Variants in CDH4 observed in about 807,000 individuals in gnomAD.
CDH4 encodes cadherin 4, also known as cadherin-4.
A neutral mutation model predicts 86.0 loss-of-function variants in CDH4; 33 were observed. That is an observed-to-expected ratio of 0.38 (90% CI 0.29 to 0.51). The LOEUF is 0.51. Among genes scored for constraint, CDH4 ranks in the 20% least tolerant of loss-of-function variants. The probability of loss-of-function intolerance (pLI) is 0.86; values close to 1 mark genes in which losing one functional copy is unlikely to be tolerated. For synonymous variants in CDH4, 555 were observed against 549.4 expected, an observed-to-expected ratio of 1.01 and a Z score of -0.14; for missense variants, 1,114 against 1,307.4, an observed-to-expected ratio of 0.85 and a Z score of 2.28.
intron 2 of CDH4, among the ~76,000 whole-genome samples, chr20:61,650,981 G>A (rs2087114205): frequency 6.6e-6 from 1 of 152,264 alleles, no homozygotes; most frequent in Non-Finnish European, 1.5e-5. Flanking sequence ...TTTAACCCAT[G>A]GCGTGCAGCA....
rs1270020940 is a variant in CDH4 at position 61,544,559 on chromosome 20, A to G, written c.170-199004A>G. Among the ~76,000 whole-genome samples, 1 of 151,720 alleles carries G rather than the reference A, an allele frequency of 6.6e-6. No individual in the cohort carries two copies. Among genetic ancestry groups the G allele is most frequent in the African/African-American group, 2.4e-5 (1 of 41,298 alleles). On this transcript the variant is annotated intron_variant, in intron 2 of 15. Coordinates refer to ENST00000614565, the MANE Select transcript of CDH4 (RefSeq NM_001794.5). This position sits in a 1 kb window ranked among gnomAD's most constrained non-coding sequence, Gnocchi z 6.5. ...TGGCAGCCGCCAAGCAGAGACGGTG[A>G]CGGGATCCCTGCGTTGACGGTGGCA...
chr20:61,478,418 GT>G (rs2085551227), intron 2 of CDH4, among the ~76,000 whole-genome samples: 2 of 151,874 alleles, frequency 1.3e-5, no homozygotes, highest in Non-Finnish European at 2.9e-5. Flanking sequence ...CGTGACGTAA[GT>G]TTGGACATAA....
intron 4 of CDH4, among the ~76,000 whole-genome samples, chr20:61,773,586 G>A (rs6142854): frequency 6.6e-6 from 1 of 152,194 alleles, no homozygotes; most frequent in Non-Finnish European, 1.5e-5. Flanking sequence ...AGCGTGCGCC[G>A]TGCCGCGGTC....
intron 2 of CDH4, among the ~76,000 whole-genome samples, chr20:61,332,132 G>T (rs928333483): frequency 6.6e-6 from 1 of 152,176 alleles, no homozygotes; most frequent in Non-Finnish European, 1.5e-5. Flanking sequence ...GAAGAGGAGG[G>T]TCCTTCTCAG....
intron 2 of CDH4, among the ~76,000 whole-genome samples, chr20:61,700,003 C>A (rs1360794914): frequency 1.3e-5 from 2 of 152,192 alleles, no homozygotes; most frequent in Non-Finnish European, 2.9e-5. Flanking sequence ...ACGAGGCTCA[C>A]AGCGCCGGAG....
intron 15 of CDH4, among the ~76,000 whole-genome samples, chr20:61,935,713 C>T (rs960803520): frequency 1.3e-5 from 2 of 152,194 alleles, no homozygotes; most frequent in East Asian, 3.8e-4. Flanking sequence ...TGGTGAGACC[C>T]CCGTCTCTAC....
chr20:61,520,687 T>G (rs1026108395), intron 2 of CDH4, among the ~76,000 whole-genome samples: 3 of 151,944 alleles, frequency 2.0e-5, no homozygotes, highest in African/African-American at 7.3e-5. Context: ...CTTTTCCTTC[T>G]TCTGAGCATC....
At chr20:61,797,865 G>A (rs1162655418) in intron 4 of CDH4, among the ~76,000 whole-genome samples, 3 of 152,190 alleles carry the variant, frequency 2.0e-5, no homozygotes, top group South Asian at 2.1e-4. Context: ...CGGAGAGATC[G>A]GCATCTTTTC....
intron 2 of CDH4, among the ~76,000 whole-genome samples, chr20:61,272,904 G>A (rs559547305): frequency 5.5e-5 from 8 of 145,182 alleles, no homozygotes; most frequent in Non-Finnish European, 1.0e-4. Flanking sequence ...TGCAGTTTGG[G>A]GGAGTACCGT....
chr20:61,841,754 AGTGT>A (rs778765000), intron 4 of CDH4, among the ~76,000 whole-genome samples: 1 of 151,402 alleles, frequency 6.6e-6, no homozygotes, highest in Non-Finnish European at 1.5e-5. Flanking sequence ...TGTGCACAGG[AGTGT>A]GTGTGTGTGC....
intron 2 of CDH4, among the ~76,000 whole-genome samples, chr20:61,742,228 A>AC (rs1230016140): frequency 3.3e-5 from 5 of 152,170 alleles, no homozygotes; most frequent in Admixed American, 3.3e-4. Flanking sequence ...CAGAGGAGCC[A>AC]CCGGGGGGCT....
chr20:61,845,395 G>A (rs1406657723), intron 5 of CDH4, among the ~76,000 whole-genome samples: 1 of 152,218 alleles, frequency 6.6e-6, no homozygotes, highest in Admixed American at 6.5e-5. Context: ...AGAGACGTGG[G>A]GCTGCGGCCT....
chr20:61,910,947 G>A (rs1441045067), intron 9 of CDH4, among the ~76,000 whole-genome samples: 4 of 152,224 alleles, frequency 2.6e-5, no homozygotes, highest in Non-Finnish European at 5.9e-5. Flanking sequence ...ATCCCACTGA[G>A]TAGTGAGGTA....
rs1371435278 is a variant in CDH4, at chr20:61,583,249, TG to T, written c.170-160313del. Among the ~76,000 whole-genome samples, 321 of 48,258 alleles carry T rather than the reference TG, an allele frequency of 6.7e-3. 6 individuals carry two copies. The highest frequency in any genetic ancestry group is 0.016 in the African/African-American group (164 of 10,578). The allele number at this position is 48,258 out of a possible 152,430, so 31.7% of individuals were successfully genotyped here. On this transcript the variant is annotated intron_variant, in intron 2 of 15. Coordinates refer to ENST00000614565, the MANE Select transcript of CDH4 (RefSeq NM_001794.5). ...GGTTCTGCGGGGGGACAGAGGGCTC[TG>T]AGGAGGGACAGAGGGCTCTGCGGGG...
chr20:61,610,080 A>C (rs1270708062), intron 2 of CDH4, among the ~76,000 whole-genome samples: 3 of 152,104 alleles, frequency 2.0e-5, no homozygotes, highest in African/African-American at 7.2e-5. Context: ...CAAACACTAG[A>C]ACTTATTATT....
At chr20:61,447,402 G>C (rs1309131638) in intron 2 of CDH4, among the ~76,000 whole-genome samples, 2 of 142,074 alleles carry the variant, frequency 1.4e-5, no homozygotes, top group Non-Finnish European at 3.0e-5. Context: ...TCAAACTCCT[G>C]ACCTCAGGTG....
chr20:61,932,426 G>A (rs551882389), intron 13 of CDH4, among the ~76,000 whole-genome samples: 24 of 152,280 alleles, frequency 1.6e-4, no homozygotes, highest in African/African-American at 5.3e-4. Flanking sequence ...ATGCATGCAC[G>A]CACAGACACA....
intron 2 of CDH4, among the ~76,000 whole-genome samples, chr20:61,375,989 G>A (rs971848359): frequency 1.8e-5 from 2 of 112,180 alleles, no homozygotes; most frequent in Non-Finnish European, 3.6e-5. Flanking sequence ...TTTGTTGATG[G>A]TAGTGTGATG....
chr20:61,686,561 A>T (rs1435093971), intron 2 of CDH4, among the ~76,000 whole-genome samples: 1 of 145,530 alleles, frequency 6.9e-6, no homozygotes, highest in East Asian at 2.0e-4. Context: ...GTGTATGTGC[A>T]TGTGCATTCG....
Sources: allele counts gnomAD v4.1 joint callset (sites outside exome capture counted in the v4.1 genomes callset), GRCh38; gene constraint gnomAD v4.1.1; non-coding constraint Gnocchi (gnomAD v3.1); transcripts MANE v1.5; gene names NCBI Gene and HGNC (gene_info 2026-07-23, HGNC 2026-07-21).